LRP1B: variants seen among roughly 807,000 people sequenced by gnomAD.
The protein encoded by LRP1B is low-density lipoprotein receptor-related protein 1B.
In LRP1B, 217 loss-of-function variants were observed where a neutral mutation model predicts 556.6. The observed-to-expected ratio is 0.39, with a 90% CI of 0.35 to 0.44. The LOEUF (loss-of-function observed/expected upper bound fraction) is 0.44. LRP1B is among the 20% of genes least tolerant of loss of function. LRP1B has a pLI of 1.00. For synonymous variants in LRP1B, 2,047 were observed against 1,865.8 expected, an observed-to-expected ratio of 1.10 and a Z score of -2.50; for missense variants, 5,053 against 5,620.8, an observed-to-expected ratio of 0.90 and a Z score of 3.23.
At chr2:141,195,385 C>G (rs1249442) in intron 6 of LRP1B, among the ~76,000 whole-genome samples, 1,822 of 152,222 alleles carry the variant, frequency 0.012, 33 homozygotes, top group African/African-American at 0.041. Flanking sequence ...GTCTCTATAA[C>G]AGAACCACCT....
chr2:141,998,051 T>C (rs1009594519), intron 1 of LRP1B, among the ~76,000 whole-genome samples: 5 of 152,116 alleles, frequency 3.3e-5, no homozygotes, highest in African/African-American at 1.2e-4. Context: ...TTTAAACATA[T>C]AGAGAAATCT....
At chr2:141,250,773 T>A (rs143538414) in intron 4 of LRP1B, among the ~76,000 whole-genome samples, 1 of 152,154 alleles carries the variant, frequency 6.6e-6, no homozygotes, top group Non-Finnish European at 1.5e-5. Context: ...CAGAATTGGG[T>A]TGAATTGAAC....
intron 35 of LRP1B, among the ~76,000 whole-genome samples, chr2:140,729,318 C>T (rs1189006067): frequency 6.6e-6 from 1 of 152,136 alleles, no homozygotes; most frequent in Non-Finnish European, 1.5e-5. Context: ...GTTAAGTTTA[C>T]TGTTAACAGT....
intron 35 of LRP1B, among the ~76,000 whole-genome samples, chr2:140,752,540 G>A (rs1436794739): frequency 6.6e-6 from 1 of 151,938 alleles, no homozygotes; most frequent in African/African-American, 2.4e-5. Flanking sequence ...GGCCAGGCTG[G>A]TCTCAAATTC....
Position 142,047,157 on chromosome 2 carries a change from G to T in LRP1B, c.82+83491C>A, listed in dbSNP as rs148981223. 5.9e-5 allele frequency among the ~76,000 whole-genome samples: 9 copies of T among 152,082 alleles called. No individual in the cohort carries two copies. In the East Asian group the frequency reaches 1.8e-3, roughly 30 times the overall value. On this transcript the variant is annotated intron_variant, in intron 1 of 90. Coordinates refer to ENST00000389484, the MANE Select transcript of LRP1B (RefSeq NM_018557.3). ...TAGGTCACACAGTTGTGGAGACAAT[G>T]CAGGGGCCTGGCCATACTTGAGGGT... is the stretch of plus-strand genomic sequence containing the variant.
intron 45 of LRP1B, among the ~76,000 whole-genome samples, chr2:140,537,682 T>A (rs1024919325): frequency 1.3e-5 from 2 of 151,654 alleles, no homozygotes; most frequent in East Asian, 3.9e-4. Flanking sequence ...AGATGACCGC[T>A]GTCAGAAAGT....
chr2:140,430,496 T>C (rs1057374163), intron 66 of LRP1B, among the ~76,000 whole-genome samples: 3 of 152,144 alleles, frequency 2.0e-5, no homozygotes, highest in Admixed American at 1.3e-4. Flanking sequence ...ATCCCATTGC[T>C]CTAGGCAATG....
intron 7 of LRP1B, among the ~76,000 whole-genome samples, chr2:141,145,057 T>C (rs1409638872): frequency 6.6e-6 from 1 of 152,226 alleles, no homozygotes; most frequent in Admixed American, 6.5e-5. Flanking sequence ...TTCTAACTTA[T>C]ACAAGTGATT....
chr2:141,616,889 C>T (rs942492484), intron 2 of LRP1B, among the ~76,000 whole-genome samples: 13 of 152,258 alleles, frequency 8.5e-5, no homozygotes, highest in Non-Finnish European at 1.8e-4. Flanking sequence ...TTGTAACTCT[C>T]TAATTTTTCT....
At chr2:141,280,885 G>A (rs1361014979) in intron 3 of LRP1B, among the ~76,000 whole-genome samples, 1 of 151,894 alleles carries the variant, frequency 6.6e-6, no homozygotes, top group Admixed American at 6.6e-5. Flanking sequence ...TAAAGGTGCA[G>A]CCCATATTTG....
At chr2:141,641,448 A>C (rs991134691) in intron 2 of LRP1B, among the ~76,000 whole-genome samples, 1 of 152,184 alleles carries the variant, frequency 6.6e-6, no homozygotes, top group Non-Finnish European at 1.5e-5. Context: ...TTTTATTTTC[A>C]TTATAGGCTA....
At chr2:141,439,963 G>C (rs1377976561) in intron 3 of LRP1B, among the ~76,000 whole-genome samples, 1 of 152,174 alleles carries the variant, frequency 6.6e-6, no homozygotes, top group Non-Finnish European at 1.5e-5. Context: ...ACTAAAGCTT[G>C]TTTTATGACG....
chr2:141,831,226 T>C (rs1697102518), intron 1 of LRP1B, among the ~76,000 whole-genome samples: 1 of 151,664 alleles, frequency 6.6e-6, no homozygotes, highest in African/African-American at 2.4e-5. Flanking sequence ...TTTATATATA[T>C]AAAATAATAT....
intron 41 of LRP1B, 53 bp downstream of exon 41, chr2:140,700,197 T>C (rs1686581986): frequency 1.4e-6 from 2 of 1,438,502 alleles, no homozygotes; most frequent in Non-Finnish European, 1.9e-6. Flanking sequence ...ATTTCTCTAG[T>C]AATCTAAATG....
chr2:140,724,542 A>G (rs759196634), intron 35 of LRP1B, among the ~76,000 whole-genome samples: 1 of 152,176 alleles, frequency 6.6e-6, no homozygotes, highest in Non-Finnish European at 1.5e-5. Context: ...TAAATTGCAA[A>G]AAATTCTATA....
chr2:140,429,562 C>T lies in LRP1B; in HGVS notation c.10414+12942G>A, dbSNP rs577350936. ...GCCCAAATTTCTTCCTCATCTGTTA[C>T]CTATCTCGGCATAATTCTCATAAAA... On this transcript the variant is annotated intron_variant, in intron 66 of 90. Transcript: ENST00000389484. 7.9e-5 allele frequency among the ~76,000 whole-genome samples: 12 copies of T among 152,252 alleles called. No homozygotes were observed. The East Asian group carries it at 2.3e-3, about 29-fold the overall frequency.
intron 29 of LRP1B, among the ~76,000 whole-genome samples, 189 bp downstream of exon 29, chr2:140,849,913 T>G (rs890515041): frequency 6.6e-6 from 1 of 152,044 alleles, no homozygotes; most frequent in Non-Finnish European, 1.5e-5. Flanking sequence ...ATTATCAGTC[T>G]GCTCTGTGCA....
At chr2:141,304,749 C>T (rs1220402852) in intron 3 of LRP1B, among the ~76,000 whole-genome samples, 27 of 152,038 alleles carry the variant, frequency 1.8e-4, no homozygotes, top group Non-Finnish European at 2.9e-5. Context: ...GATCCACCCG[C>T]CTCAGCCTCC....
At chr2:140,955,530 T>C (rs1695846957) in intron 18 of LRP1B, among the ~76,000 whole-genome samples, 1 of 151,710 alleles carries the variant, frequency 6.6e-6, no homozygotes. Context: ...GTCATCAAGT[T>C]ACAATTATAG....
Sources: gnomAD v4.1 joint callset for allele counts (sites outside exome capture counted in the v4.1 genomes callset) on GRCh38, gnomAD v4.1.1 for gene constraint, MANE v1.5 for transcripts, NCBI Gene and HGNC (gene_info 2026-07-23, HGNC 2026-07-21) for gene names.